The following HNRNPUL2 variants were observed in gnomAD, a reference collection of about 807,000 sequenced individuals.
HNRNPUL2 encodes heterogeneous nuclear ribonucleoprotein U like 2, also known as heterogeneous nuclear ribonucleoprotein U-like protein 2.
A neutral mutation model predicts 102.2 loss-of-function variants in HNRNPUL2; 27 were observed. The observed-to-expected ratio is 0.26, with a 90% CI of 0.19 to 0.36. The LOEUF (loss-of-function observed/expected upper bound fraction) is 0.36, where lower values mean the gene tolerates loss of function less well. HNRNPUL2 is among the 10% of genes least tolerant of loss of function. HNRNPUL2 has a pLI of 1.00. For synonymous variants in HNRNPUL2, 458 were observed against 387.2 expected (o/e 1.18, Z -2.15); for missense variants, 936 against 981.1 (o/e 0.95, Z 0.61).
chr11:62,717,179 A>G lies in HNRNPUL2; in HGVS notation c.1791T>C (p.Ser597=), dbSNP rs765857560. Residue 597 remains serine (S), a synonymous_variant, in exon 11 of 14, where the codon TCT becomes TCC. Coordinates refer to ENST00000301785, the MANE Select transcript of HNRNPUL2 (RefSeq NM_001079559.3). ...CCATATAGTCGCATTTTTCAGGCAA[A>G]GAGAAGTTGGCTATAAGAGTAAGAG... The part of the protein sequence containing the change: ...SIMLEMKANF[S]LPEKCDYMDE... 5 of 1,613,892 alleles carry G rather than the reference A, an allele frequency of 3.1e-6. No individual in the cohort carries two copies. In the East Asian group the frequency reaches 8.9e-5, roughly 29 times the overall value.
In HNRNPUL2 at chr11:62,715,954, G is replaced by A; in HGVS notation, c.1982-17C>T. On this transcript the variant is annotated splice_polypyrimidine_tract_variant and intron_variant, in intron 11 of 13. Coordinates refer to ENST00000301785, the MANE Select transcript of HNRNPUL2 (RefSeq NM_001079559.3). ...GCCCGCCCACTGGAAGAGAAATGGA[G>A]AGCGCGCTCAGACAGCTGGCATGGG... 1 of 1,579,916 alleles carries A rather than the reference G, an allele frequency of 6.3e-7. No homozygotes were observed. The highest frequency in any genetic ancestry group is 8.6e-7 in the Non-Finnish European group (1 of 1,160,706).
chr11:62,717,941 GA>G (rs1232635997), intron 10 of HNRNPUL2, among the ~76,000 whole-genome samples: 3 of 152,234 alleles, frequency 2.0e-5, no homozygotes, highest in Non-Finnish European at 4.4e-5. Flanking sequence ...TTCAGAAGCT[GA>G]GTCCCAGTGG....
At chr11:62,724,013 A>C in intron 2 of HNRNPUL2, 23 bp from the exon 3 acceptor site, 1 of 1,585,342 alleles carries the variant, frequency 6.3e-7, no homozygotes, top group Non-Finnish European at 8.7e-7. Flanking sequence ...GATAGAAAAG[A>C]AACACAATGT....
chr11:62,715,257 G>A lies in HNRNPUL2; in HGVS notation c.*42C>T. On this transcript the variant is annotated 3_prime_UTR_variant, in exon 14 of 14. Coordinates refer to ENST00000301785, the MANE Select transcript of HNRNPUL2 (RefSeq NM_001079559.3). ...TTTGCGGGGGTGCCTGGCACCCCCAGAGATTCAGCTTCATGGCTGACAGGT... is the reference window on the plus strand; with the variant it reads ...TTTGCGGGGGTGCCTGGCACCCCCAAAGATTCAGCTTCATGGCTGACAGGT... The A allele has an allele frequency of 6.9e-7, 1 of 1,445,964 alleles. No individual in the cohort carries two copies. Among genetic ancestry groups the A allele is most frequent in the South Asian group, 1.1e-5 (1 of 87,546 alleles). The allele number at this position is 1,445,964 out of a possible 1,614,324, so 89.6% of individuals were successfully genotyped here.
In HNRNPUL2 at chr11:62,727,149, A is replaced by G; in HGVS notation, c.8T>C (p.Val3Ala). Residue 3 changes from valine to alanine, a missense_variant, in exon 1 of 14, where the codon GTG becomes GCG. Val to Ala is a moderately conservative substitution (Grantham distance 64). This residue lies in a region of HNRNPUL2 where 327 missense variants were observed against 268.1 expected (regional missense o/e 1.22). Coordinates refer to ENST00000301785, the MANE Select transcript of HNRNPUL2 (RefSeq NM_001079559.3). MEVKRLKVTELRS... is the reference protein window; with the variant it reads MEAKRLKVTELRS... Reference sequence around the variant, plus strand: ...CAGCTCGGTCACTTTCAGCCGCTTCACCTCCATCGCCGCCGCCGCCTCCTC... The same window carrying G: ...CAGCTCGGTCACTTTCAGCCGCTTCGCCTCCATCGCCGCCGCCGCCTCCTC... 7.0e-7 allele frequency: 1 copy of G among 1,432,376 alleles called. No individual in the cohort carries two copies. Among genetic ancestry groups the G allele is most frequent in the Non-Finnish European group, 9.1e-7 (1 of 1,095,176 alleles). The allele number at this position is 1,432,376 out of a possible 1,614,324, so 88.7% of individuals were successfully genotyped here.
At position 62,714,774 on chromosome 11, in the gene HNRNPUL2, G is replaced by A. The variant is rs1195288112; in HGVS notation, c.*525C>T. The A allele has an allele frequency of 6.5e-6, 1 of 153,804 alleles. No homozygotes were observed. The highest frequency in any genetic ancestry group is 1.4e-5 in the Non-Finnish European group (1 of 69,254). 9.5% of individuals were successfully genotyped at this position (153,804 alleles called of 1,614,324 possible). A position where few individuals can be genotyped will look rare whatever the true frequency, so the allele number is the denominator to read the frequency against. On this transcript the variant is annotated 3_prime_UTR_variant, in exon 14 of 14. Transcript: ENST00000301785. ...TAGTTGGTGCAAGTGATTGATAAGA[G>A]CCAATCGTTTATTTTCACTGTCCCA...
rs769134424 is a variant in HNRNPUL2, at chr11:62,727,180, C to T, written c.-24G>A. The T allele has an allele frequency of 7.1e-7, 1 of 1,408,770 alleles. No homozygotes were observed. The highest frequency in any genetic ancestry group is 1.4e-5 in the South Asian group (1 of 70,242). 87.3% of individuals were successfully genotyped at this position (1,408,770 alleles called of 1,614,324 possible). A position where few individuals can be genotyped will look rare whatever the true frequency, so the allele number is the denominator to read the frequency against. On this transcript the variant is annotated 5_prime_UTR_variant, in exon 1 of 14. Transcript: ENST00000301785. ...ATCGCCGCCGCCGCCTCCTCCGCCT[C>T]CCGCCGCCTCCTCCCCTGCGAACCG...
At chr11:62,722,511 A>G (rs2083711311) in intron 6 of HNRNPUL2, 90 bp downstream of exon 6, 1 of 1,415,994 alleles carries the variant, frequency 7.1e-7, no homozygotes, top group Non-Finnish European at 1.0e-6. Context: ...TCACATGCAT[A>G]AAAGCCAGCA....
At position 62,722,387 on chromosome 11, in the gene HNRNPUL2, T is replaced by C; in HGVS notation, c.1096-7A>G. 1 of 1,613,140 alleles carries C rather than the reference T, an allele frequency of 6.2e-7. No homozygotes were observed. Among genetic ancestry groups the C allele is most frequent in the Non-Finnish European group, 8.5e-7 (1 of 1,179,498 alleles). On this transcript the variant is annotated splice_region_variant and splice_polypyrimidine_tract_variant and intron_variant, in intron 6 of 13. Transcript: ENST00000301785. ...CTTCTTCAGTCTCAAAATTCTACAA[T>C]GACAAGGGACAAGAGCACTTATTGG...
intron 4 of HNRNPUL2, among the ~76,000 whole-genome samples, chr11:62,723,338 A>G (rs2083718582): frequency 6.6e-6 from 1 of 152,088 alleles, no homozygotes; most frequent in Non-Finnish European, 1.5e-5. Context: ...CTAAGAATAC[A>G]AAATTAGCCA....
At position 62,722,860 on chromosome 11, in the gene HNRNPUL2, G is replaced by C. The variant is rs759690886; in HGVS notation, c.935C>G (p.Ser312Cys). 13 of 1,614,144 alleles carry C rather than the reference G, an allele frequency of 8.1e-6. No homozygotes were observed. The South Asian group carries it at 8.8e-5, about 11-fold the overall frequency. Reference sequence around the variant, plus strand: ...AACAGACCACCCAACTCGAAGGAGAGAGACCTCTGTGCAGCCTTCTTTCAT... The same window carrying C: ...AACAGACCACCCAACTCGAAGGAGACAGACCTCTGTGCAGCCTTCTTTCAT... The part of the protein sequence containing the change: ...LPMKEGCTEV[S>C]LLRVGWSVDF... The change falls in exon 5 of 14, where the codon TCT becomes TGT. Residue 312 changes from serine (S) to cysteine (C), a missense_variant. By Grantham distance (112) the Ser-to-Cys change is moderately radical. This residue lies in a region of HNRNPUL2 where 609 missense variants were observed against 713.0 expected (regional missense o/e 0.85). Transcript: ENST00000301785.
chr11:62,720,534 A>C (rs921434394), intron 9 of HNRNPUL2, among the ~76,000 whole-genome samples: 3 of 142,238 alleles, frequency 2.1e-5, no homozygotes, highest in Admixed American at 2.1e-4. Context: ...GCGGCTGAGC[A>C]AGATTCCATC....
intron 10 of HNRNPUL2, among the ~76,000 whole-genome samples, chr11:62,718,041 C>G (rs536326853): frequency 1.4e-4 from 21 of 152,086 alleles, no homozygotes; most frequent in Non-Finnish European, 2.4e-4. Flanking sequence ...CTCTGAGTGC[C>G]TAAGTAAGAG....
rs921658677 is a variant in HNRNPUL2, at chr11:62,726,787, C to T, written c.370G>A (p.Glu124Lys). The change falls in exon 1 of 14, where the codon GAG becomes AAG. Residue 124 changes from glutamate to lysine, a missense_variant. Physicochemically the swap from Glu to Lys is moderately conservative, Grantham distance 56. Coordinates refer to ENST00000301785, the MANE Select transcript of HNRNPUL2 (RefSeq NM_001079559.3). ...GCCGGCTTCTCGGAAGCATCTGGCT[C>T]GGCCGCGGCCTCCATGGCTGCCGCC... ...PEAAAMEAAAEPDASEKPAEA... is the reference protein window; with the variant it reads ...PEAAAMEAAAKPDASEKPAEA... 3.1e-6 allele frequency: 5 copies of T among 1,599,452 alleles called. No individual in the cohort carries two copies. The African/African-American group carries it at 5.3e-5, about 17-fold the overall frequency.
At position 62,721,405 on chromosome 11, in the gene HNRNPUL2, GCTC is replaced by G. The variant is rs1422118011; in HGVS notation, c.1498_1500del (p.Glu500del). 8.1e-6 allele frequency: 13 copies of G among 1,600,330 alleles called. No individual in the cohort carries two copies. Among genetic ancestry groups the G allele is most frequent in the Non-Finnish European group, 9.4e-6 (11 of 1,175,664 alleles). On this transcript the variant is annotated inframe_deletion, in exon 9 of 14. Coordinates refer to ENST00000301785, the MANE Select transcript of HNRNPUL2 (RefSeq NM_001079559.3). ...TCTCGGCTTTTGGGGTCCATCTCTG[GCTC>G]CTCGAGACCCTTCATCTGATTAGTT... is the stretch of plus-strand genomic sequence containing the variant.
At position 62,722,276 on chromosome 11, in the gene HNRNPUL2, T is replaced by G; in HGVS notation, c.1200A>C (p.Leu400=). The G allele has an allele frequency of 6.2e-7, 1 of 1,614,110 alleles. No homozygotes were observed. Among genetic ancestry groups the G allele is most frequent in the Non-Finnish European group, 8.5e-7 (1 of 1,180,008 alleles). ...CACAATTTTTGCAGAGGACATGGGGTAGAAGGGCCCGGTCTGCCAGGGAAT... is the reference window on the plus strand; with the variant it reads ...CACAATTTTTGCAGAGGACATGGGGGAGAAGGGCCCGGTCTGCCAGGGAAT... ...SKDSLADRAL[L]PHVLCKNCVV... is the part of the protein sequence containing the mutation. The change falls in exon 7 of 14, where the codon CTA becomes CTC. Residue 400 remains leucine (L), a synonymous_variant. Coordinates refer to ENST00000301785, the MANE Select transcript of HNRNPUL2 (RefSeq NM_001079559.3).
At chr11:62,724,032 C>T (rs757238795) in intron 2 of HNRNPUL2, 42 bp from the exon 3 acceptor site, 58 of 1,524,092 alleles carry the variant, frequency 3.8e-5, no homozygotes, top group Non-Finnish European at 4.6e-5. Context: ...GTAAACAAAG[C>T]CCTCTTCTTT....
Position 62,723,991 on chromosome 11 carries a change from CTATA to C in HNRNPUL2, c.675-5_675-2del. ...TTCAGGAGGCAGTGGAGACTTTGAGCTATATATGTAAGATAGAAAAGAAACACAA... is the reference window on the plus strand; with the variant it reads ...TTCAGGAGGCAGTGGAGACTTTGAGCTATGTAAGATAGAAAAGAAACACAA... On this transcript the variant is annotated splice_acceptor_variant and splice_polypyrimidine_tract_variant and intron_variant, in intron 2 of 13. Coordinates refer to ENST00000301785, the MANE Select transcript of HNRNPUL2 (RefSeq NM_001079559.3). LOFTEE classifies it high-confidence loss of function. 6.2e-7 allele frequency: 1 copy of C among 1,611,682 alleles called. No homozygotes were observed. Among genetic ancestry groups the C allele is most frequent in the Non-Finnish European group, 8.5e-7 (1 of 1,177,874 alleles).
At position 62,715,607 on chromosome 11, in the gene HNRNPUL2, C is replaced by G; in HGVS notation, c.2056G>C (p.Gly686Arg). 1 of 1,609,754 alleles carries G rather than the reference C, an allele frequency of 6.2e-7. No homozygotes were observed. The highest frequency in any genetic ancestry group is 8.5e-7 in the Non-Finnish European group (1 of 1,176,406). Reference protein sequence around the residue: ...QYWGQPGNRGGYRNFYDRYRG... With the variant: ...QYWGQPGNRGRYRNFYDRYRG... Reference sequence around the variant, plus strand: ...TATCGATCATAGAAATTACGGTAACCCTGAGAAAGGAAAAGAAAAAGGAGT... The same window carrying G: ...TATCGATCATAGAAATTACGGTAACGCTGAGAAAGGAAAAGAAAAAGGAGT... Residue 686 changes from glycine (G) to arginine (R), a missense_variant and splice_region_variant, in exon 13 of 14, where the codon GGT becomes CGT. Physicochemically the swap from Gly to Arg is moderately radical, Grantham distance 125 (BLOSUM62 -2). Transcript: ENST00000301785.
Sources: allele counts gnomAD v4.1 joint callset (sites outside exome capture counted in the v4.1 genomes callset), GRCh38; gene constraint gnomAD v4.1.1; regional missense constraint gnomAD v4.1.1; transcripts MANE v1.5; gene names NCBI Gene and HGNC (gene_info 2026-07-23, HGNC 2026-07-21).